The following DAPK1 variants were observed in gnomAD, a reference collection of about 807,000 sequenced individuals.
The protein encoded by DAPK1 is death-associated protein kinase 1.
In DAPK1, 56 loss-of-function variants were observed where a neutral mutation model predicts 144.9. The ratio of observed to expected loss-of-function variants is 0.39; its 90% confidence interval spans 0.31 to 0.48. The LOEUF (loss-of-function observed/expected upper bound fraction) is 0.48, where lower values mean the gene tolerates loss of function less well. Ranked by LOEUF, DAPK1 falls within the 20% of genes least tolerant of loss-of-function variation. The probability of loss-of-function intolerance (pLI) is 0.95; values close to 1 mark genes in which losing one functional copy is unlikely to be tolerated. For synonymous variants in DAPK1, 690 were observed against 749.0 expected, an observed-to-expected ratio of 0.92 and a Z score of 1.29; for missense variants, 1,454 against 1,875.4, an observed-to-expected ratio of 0.78 and a Z score of 4.15.
chr9:87,645,541 T>C (rs540104820), intron 11 of DAPK1, among the ~76,000 whole-genome samples: 1 of 152,354 alleles, frequency 6.6e-6, no homozygotes, highest in South Asian at 2.1e-4. Flanking sequence ...GTCTGTGTTA[T>C]ACCTAAAAAT....
chr9:87,546,455 C>G lies in DAPK1; in HGVS notation c.62+47316C>G, dbSNP rs777420457. On this transcript the variant is annotated intron_variant, in intron 2 of 25. Transcript: ENST00000408954. ...TTGGTTGGTTAAGGCAGAATTGTGG[C>G]CCATAGGAGGTAGGGGTGGGTGGTC... Among the ~76,000 whole-genome samples, 4 of 152,066 alleles carry G rather than the reference C, an allele frequency of 2.6e-5. No homozygotes were observed. The South Asian group carries it at 8.3e-4, about 32-fold the overall frequency.
At chr9:87,541,157 G>T (rs1249346353) in intron 2 of DAPK1, among the ~76,000 whole-genome samples, 1 of 152,130 alleles carries the variant, frequency 6.6e-6, no homozygotes, top group African/African-American at 2.4e-5. Context: ...ATTGGATATT[G>T]GTTCCTACTT....
intron 3 of DAPK1, among the ~76,000 whole-genome samples, chr9:87,614,826 C>G (rs1426799887): frequency 6.6e-6 from 1 of 152,168 alleles, no homozygotes; most frequent in Non-Finnish European, 1.5e-5. Context: ...CCCTTCCAGG[C>G]CCTGGGACTG....
chr9:87,691,854 T>C (rs1825065446), intron 21 of DAPK1, among the ~76,000 whole-genome samples: 1 of 152,180 alleles, frequency 6.6e-6, no homozygotes, highest in Non-Finnish European at 1.5e-5. Flanking sequence ...ATACTTGATA[T>C]GATTTCAATT....
At chr9:87,609,102 G>A (rs1431728335) in intron 3 of DAPK1, among the ~76,000 whole-genome samples, 3 of 152,192 alleles carry the variant, frequency 2.0e-5, no homozygotes, top group Non-Finnish European at 4.4e-5. Context: ...CCCTAAGTAG[G>A]AGACCATTTT....
chr9:87,538,081 T>C (rs1825921914), intron 2 of DAPK1, among the ~76,000 whole-genome samples: 2 of 152,238 alleles, frequency 1.3e-5, no homozygotes, highest in African/African-American at 2.4e-5. Context: ...AAGTTAAAGC[T>C]ACAATCTCAA....
intron 11 of DAPK1, among the ~76,000 whole-genome samples, chr9:87,643,970 A>G (rs1194350213): frequency 6.6e-6 from 1 of 152,104 alleles, no homozygotes; most frequent in Non-Finnish European, 1.5e-5. Flanking sequence ...AATCAGGGAG[A>G]ATGCAGTGCT....
chr9:87,703,478 G>T (rs1216104619), intron 25 of DAPK1, among the ~76,000 whole-genome samples: 2 of 152,152 alleles, frequency 1.3e-5, no homozygotes, highest in Non-Finnish European at 2.9e-5. Context: ...TGGGAGTGCA[G>T]TGCCCACTGC....
chr9:87,646,923 G>A (rs939377522), intron 13 of DAPK1, among the ~76,000 whole-genome samples: 1 of 152,240 alleles, frequency 6.6e-6, no homozygotes, highest in African/African-American at 2.4e-5. Flanking sequence ...CGTCAGCAGA[G>A]CTGTAAGTGG....
rs1227018323 is a variant in DAPK1 at position 87,552,763 on chromosome 9, T to A, written c.63-52191T>A. On this transcript the variant is annotated intron_variant, in intron 2 of 25. Coordinates refer to ENST00000408954, the MANE Select transcript of DAPK1 (RefSeq NM_004938.4). Reference sequence around the variant, plus strand: ...TGCCCCACTGTACCCCGTTAATTTTTTTTTTTTTTTAAGATTTCTAGTAGA... The same window carrying A: ...TGCCCCACTGTACCCCGTTAATTTTATTTTTTTTTTAAGATTTCTAGTAGA... Among the ~76,000 whole-genome samples, 3 of 151,816 alleles carry A rather than the reference T, an allele frequency of 2.0e-5. No individual in the cohort carries two copies. The East Asian group carries it at 5.8e-4, about 29-fold the overall frequency.
chr9:87,636,941 C>G (rs1024361954), intron 3 of DAPK1, among the ~76,000 whole-genome samples: 1 of 152,124 alleles, frequency 6.6e-6, no homozygotes, highest in Non-Finnish European at 1.5e-5. Flanking sequence ...TGCTGTGTGC[C>G]TGGCTCTGGC....
intron 3 of DAPK1, among the ~76,000 whole-genome samples, chr9:87,618,519 G>A (rs1829178647): frequency 6.6e-6 from 1 of 152,198 alleles, no homozygotes; most frequent in Non-Finnish European, 1.5e-5. Context: ...CCAAAAAGTG[G>A]AAACTAACCA....
At chr9:87,501,736 G>T (rs11141854) in intron 2 of DAPK1, among the ~76,000 whole-genome samples, 1 of 152,138 alleles carries the variant, frequency 6.6e-6, no homozygotes, top group Non-Finnish European at 1.5e-5. Flanking sequence ...GAAAATGTTC[G>T]TATTTGTGTG....
chr9:87,545,201 C>T (rs1826198576), intron 2 of DAPK1, among the ~76,000 whole-genome samples: 1 of 152,188 alleles, frequency 6.6e-6, no homozygotes, highest in African/African-American at 2.4e-5. Context: ...CTGAGGCCTC[C>T]ACTTGACTGA....
At chr9:87,588,774 G>T (rs973569394) in intron 2 of DAPK1, among the ~76,000 whole-genome samples, 6 of 152,134 alleles carry the variant, frequency 3.9e-5, no homozygotes, top group Admixed American at 1.3e-4. Flanking sequence ...TGAAGAAGAA[G>T]TCTATTACAG....
At chr9:87,537,143 C>T (rs543032673) in intron 2 of DAPK1, among the ~76,000 whole-genome samples, 7 of 152,222 alleles carry the variant, frequency 4.6e-5, no homozygotes, top group South Asian at 2.1e-4. Context: ...CCTGCCACCA[C>T]GCCTGGCTAA....
At position 87,686,520 on chromosome 9, in the gene DAPK1, G is replaced by A. The variant is rs1398407303; in HGVS notation, c.2225-31G>A. The A allele has an allele frequency of 1.7e-5, 23 of 1,323,236 alleles. No homozygotes were observed. Among genetic ancestry groups the A allele is most frequent in the South Asian group, 7.6e-5 (6 of 79,206 alleles). 82.0% of individuals were successfully genotyped at this position (1,323,236 alleles called of 1,614,324 possible). A position where few individuals can be genotyped will look rare whatever the true frequency, so the allele number is the denominator to read the frequency against. ...GAGACAGGCACACGCTGCCCCCATC[G>A]AGTACTCATGTGATCCTTTCCATCC... On this transcript the variant is annotated intron_variant, in intron 20 of 25. Coordinates refer to ENST00000408954, the MANE Select transcript of DAPK1 (RefSeq NM_004938.4). The surrounding 1 kb of genome is among the most constrained non-coding windows in gnomAD (Gnocchi z 4.2).
intron 16 of DAPK1, 47 bp downstream of exon 16, chr9:87,650,165 G>C: frequency 6.3e-7 from 1 of 1,597,950 alleles, no homozygotes; most frequent in Non-Finnish European, 8.6e-7. Flanking sequence ...TGATCTAGGG[G>C]TCTAGAGGGA....
At chr9:87,625,001 C>T (rs1018760907) in intron 3 of DAPK1, among the ~76,000 whole-genome samples, 2 of 152,070 alleles carry the variant, frequency 1.3e-5, no homozygotes, top group Admixed American at 6.6e-5. Context: ...CCGGTGGTCC[C>T]GAGACCATCA....
Sources: allele counts gnomAD v4.1 joint callset (sites outside exome capture counted in the v4.1 genomes callset), GRCh38; gene constraint gnomAD v4.1.1; non-coding constraint Gnocchi (gnomAD v3.1); transcripts MANE v1.5; gene names NCBI Gene and HGNC (gene_info 2026-07-23, HGNC 2026-07-21).